CAPZA2: variants seen among roughly 807,000 people sequenced by gnomAD.
CAPZA2 encodes the protein F-actin-capping protein subunit alpha-2.
In CAPZA2, 13 loss-of-function variants were observed where a neutral mutation model predicts 44.0. The ratio of observed to expected loss-of-function variants is 0.30; its 90% confidence interval spans 0.19 to 0.47. The LOEUF (loss-of-function observed/expected upper bound fraction) is 0.47, where lower values mean the gene tolerates loss of function less well. Among genes scored for constraint, CAPZA2 ranks in the 20% least tolerant of loss-of-function variants. CAPZA2 has a pLI of 1.00. For synonymous variants in CAPZA2, 94 were observed against 108.2 expected (o/e 0.87, Z 0.81); for missense variants, 244 against 338.6 (o/e 0.72, Z 2.19).
intron 1 of CAPZA2, among the ~76,000 whole-genome samples, chr7:116,871,426 TATTA>T (rs888596213): frequency 2.6e-5 from 4 of 152,222 alleles, no homozygotes; most frequent in African/African-American, 9.6e-5. Flanking sequence ...GTATTCTCTC[TATTA>T]ATTGTCAGAA....
chr7:116,878,231 G>A (rs886995241), intron 1 of CAPZA2, among the ~76,000 whole-genome samples: 1 of 152,150 alleles, frequency 6.6e-6, no homozygotes, highest in Non-Finnish European at 1.5e-5. Flanking sequence ...TGGTGATGAT[G>A]GAAGCAATGG....
At chr7:116,865,445 C>G (rs1012579855) in intron 1 of CAPZA2, among the ~76,000 whole-genome samples, 1 of 152,140 alleles carries the variant, frequency 6.6e-6, no homozygotes, top group East Asian at 1.9e-4. Context: ...CTCGGCCTCC[C>G]AAAGTGCTGG....
At chr7:116,903,580 T>C (rs1172038634) in intron 4 of CAPZA2, among the ~76,000 whole-genome samples, 1 of 152,136 alleles carries the variant, frequency 6.6e-6, no homozygotes, top group Non-Finnish European at 1.5e-5. Flanking sequence ...GCACAAAATA[T>C]CAGATTATAC....
intron 1 of CAPZA2, among the ~76,000 whole-genome samples, chr7:116,879,474 C>T (rs1381483068): frequency 6.6e-6 from 1 of 152,178 alleles, no homozygotes; most frequent in East Asian, 1.9e-4. Context: ...CAGGGGATAG[C>T]GGGGTGGGGA....
chr7:116,889,631 G>C (rs1796805535), intron 2 of CAPZA2, among the ~76,000 whole-genome samples: 1 of 151,230 alleles, frequency 6.6e-6, no homozygotes, highest in African/African-American at 2.4e-5. Flanking sequence ...AAGTCAGAAA[G>C]TGAGGCAAAA....
At chr7:116,875,149 T>G (rs1190303711) in intron 1 of CAPZA2, 1 of 152,190 alleles carries the variant, frequency 6.6e-6, no homozygotes, top group Non-Finnish European at 1.5e-5. Flanking sequence ...ATATCCTTTT[T>G]TTTTTTTCTT....
chr7:116,899,662 T>TA (rs1257903309), intron 4 of CAPZA2, among the ~76,000 whole-genome samples: 1 of 148,198 alleles, frequency 6.7e-6, no homozygotes, highest in Non-Finnish European at 1.5e-5. Flanking sequence ...AGATTTGGGT[T>TA]TTTTTTTTTT....
In CAPZA2 at chr7:116,894,360, C is replaced by CA. The variant is rs10706961; in HGVS notation, c.155+1334dup. 4.7e-3 allele frequency among the ~76,000 whole-genome samples: 533 copies of CA among 114,480 alleles called. 2 individuals carry two copies. Among genetic ancestry groups the CA allele is most frequent in the African/African-American group, 0.015 (442 of 30,368 alleles). 75.1% of individuals were successfully genotyped at this position (114,480 alleles called of 152,430 possible). ...CTGGTGACAGAGCAAGACTCCGTCTCAAAAAAAAAAAAAAAAAAATCTGAC... is the reference window on the plus strand; with the variant it reads ...CTGGTGACAGAGCAAGACTCCGTCTCAAAAAAAAAAAAAAAAAAAATCTGAC... On this transcript the variant is annotated intron_variant, in intron 3 of 9. Coordinates refer to ENST00000361183, the MANE Select transcript of CAPZA2 (RefSeq NM_006136.3).
At chr7:116,912,205 AT>A (rs1001131181) in intron 8 of CAPZA2, 65 bp downstream of exon 8, 2 of 1,583,822 alleles carry the variant, frequency 1.3e-6, no homozygotes, top group African/African-American at 2.7e-5. Flanking sequence ...CAGTTTTGGA[AT>A]GAACATTTTA....
At chr7:116,874,369 T>A (rs182933368) in intron 1 of CAPZA2, 1 of 153,538 alleles carries the variant, frequency 6.5e-6, no homozygotes, top group Non-Finnish European at 1.5e-5. Context: ...CATGTGTTGG[T>A]CCGACATGAT....
intron 6 of CAPZA2, among the ~76,000 whole-genome samples, chr7:116,907,688 C>G (rs1791535423): frequency 6.6e-6 from 1 of 152,004 alleles, no homozygotes. Context: ...GCTGTGTTGC[C>G]CAGGCCGGTC....
chr7:116,887,398 C>T (rs1015041241), intron 1 of CAPZA2, among the ~76,000 whole-genome samples: 1 of 151,958 alleles, frequency 6.6e-6, no homozygotes, highest in Non-Finnish European at 1.5e-5. Flanking sequence ...TGTGGTGGCA[C>T]GTGCCTGTAG....
At chr7:116,863,118 A>G (rs1032130379) in intron 1 of CAPZA2, among the ~76,000 whole-genome samples, 2 of 152,202 alleles carry the variant, frequency 1.3e-5, no homozygotes, top group African/African-American at 4.8e-5. Context: ...GGGGAAGGGA[A>G]AAATCGCTTA....
chr7:116,887,747 CA>C (rs1796782904), intron 1 of CAPZA2, among the ~76,000 whole-genome samples: 1 of 152,194 alleles, frequency 6.6e-6, no homozygotes, highest in Non-Finnish European at 1.5e-5. Context: ...GCAGGAGAAT[CA>C]CGTAAACCCA....
rs1791739841 is a variant in CAPZA2, at chr7:116,919,787, C to G, written c.*1920C>G. 1 of 151,664 alleles carries G rather than the reference C, an allele frequency of 6.6e-6. No homozygotes were observed. The highest frequency in any genetic ancestry group is 2.4e-5 in the African/African-American group (1 of 41,244). The allele number at this position is 151,664 out of a possible 1,614,324, so 9.4% of individuals were successfully genotyped here. On this transcript the variant is annotated 3_prime_UTR_variant, in exon 10 of 10. Transcript: ENST00000361183. ...GGCTGAGGCAGGAGAATGGCGTGAA[C>G]CCGGGAGGCGGAGCTCGCAGTGAGC... is the stretch of plus-strand genomic sequence containing the variant.
At chr7:116,879,907 G>T (rs955961668) in intron 1 of CAPZA2, among the ~76,000 whole-genome samples, 19 of 152,188 alleles carry the variant, frequency 1.2e-4, no homozygotes, top group African/African-American at 4.3e-4. Flanking sequence ...TACAGAGTAT[G>T]GGGCAGAGGA....
intron 1 of CAPZA2, among the ~76,000 whole-genome samples, chr7:116,868,017 A>G (rs1189003660): frequency 6.6e-6 from 1 of 152,206 alleles, no homozygotes; most frequent in African/African-American, 2.4e-5. Flanking sequence ...GCATGTAGTA[A>G]GCGCACAATA....
At chr7:116,914,162 G>GGTA (rs1791643128) in intron 8 of CAPZA2, among the ~76,000 whole-genome samples, 1 of 151,218 alleles carries the variant, frequency 6.6e-6, no homozygotes, top group Non-Finnish European at 1.5e-5. Flanking sequence ...CGAGTAGCTG[G>GGTA]GACTACAGGT....
chr7:116,887,367 A>T lies in CAPZA2; in HGVS notation c.40-760A>T, dbSNP rs566321826. Among the ~76,000 whole-genome samples the T allele has an allele frequency of 2.0e-5, 3 of 152,116 alleles. No homozygotes were observed. In the South Asian group the frequency reaches 6.2e-4, roughly 32 times the overall value. On this transcript the variant is annotated intron_variant, in intron 1 of 9. Transcript: ENST00000361183. ...CATAGTGAGATCCCTTCTCTATCAAAAATACAAAAAATTATCCAGGTGTGG... is the reference window on the plus strand; with the variant it reads ...CATAGTGAGATCCCTTCTCTATCAATAATACAAAAAATTATCCAGGTGTGG...
Sources: allele counts gnomAD v4.1 joint callset (sites outside exome capture counted in the v4.1 genomes callset), GRCh38; gene constraint gnomAD v4.1.1; transcripts MANE v1.5; gene names NCBI Gene and HGNC (gene_info 2026-07-23, HGNC 2026-07-21).